Variants in GABRA2 observed in about 807,000 individuals in gnomAD.
GABRA2 encodes the protein gamma-aminobutyric acid receptor subunit alpha-2.
In GABRA2, 16 loss-of-function variants were observed where a neutral mutation model predicts 48.7. That is an observed-to-expected ratio of 0.33 (90% CI 0.22 to 0.50). The LOEUF (loss-of-function observed/expected upper bound fraction) is 0.50, where lower values mean the gene tolerates loss of function less well. Among genes scored for constraint, GABRA2 ranks in the 20% least tolerant of loss-of-function variants. The pLI, the probability that GABRA2 is intolerant of heterozygous loss-of-function variation, is 0.98. For missense variants in GABRA2, 275 were observed against 535.6 expected (o/e 0.51, Z 4.80); for synonymous variants, 185 against 184.5 (o/e 1.00, Z -0.02).
intron 3 of GABRA2, among the ~76,000 whole-genome samples, chr4:46,362,446 C>T (rs928034048): frequency 9.2e-5 from 14 of 152,016 alleles, no homozygotes; most frequent in African/African-American, 3.1e-4. Context: ...TGTGAATTGC[C>T]CAGTCCCAGG....
chr4:46,336,528 G>T (rs1302214624), intron 3 of GABRA2, among the ~76,000 whole-genome samples: 1 of 152,166 alleles, frequency 6.6e-6, no homozygotes, highest in African/African-American at 2.4e-5. Context: ...CAGCTAAATA[G>T]CTGACATGAG....
At chr4:46,356,229 C>T (rs1407435726) in intron 3 of GABRA2, among the ~76,000 whole-genome samples, 1 of 152,080 alleles carries the variant, frequency 6.6e-6, no homozygotes, top group Non-Finnish European at 1.5e-5. Context: ...CTTTCTTTTG[C>T]TCTGCTTTTA....
chr4:46,314,423 CA>C (rs1728196054), intron 4 of GABRA2, among the ~76,000 whole-genome samples: 2 of 152,082 alleles, frequency 1.3e-5, no homozygotes, highest in South Asian at 4.1e-4. Flanking sequence ...TTAAAATTTA[CA>C]AACAGGAAGT....
chr4:46,340,048 T>C (rs1005905731), intron 3 of GABRA2, among the ~76,000 whole-genome samples: 3 of 151,800 alleles, frequency 2.0e-5, no homozygotes, highest in Non-Finnish European at 4.4e-5. Flanking sequence ...TTGGTTTTAT[T>C]CACAGCTTCT....
At chr4:46,348,731 C>G (rs1734596766) in intron 3 of GABRA2, among the ~76,000 whole-genome samples, 1 of 132,156 alleles carries the variant, frequency 7.6e-6, no homozygotes, top group Non-Finnish European at 1.5e-5. Flanking sequence ...ACAATGAGAA[C>G]ACATGGACAC....
At chr4:46,337,280 A>G (rs1304103635) in intron 3 of GABRA2, among the ~76,000 whole-genome samples, 1 of 152,122 alleles carries the variant, frequency 6.6e-6, no homozygotes, top group African/African-American at 2.4e-5. Context: ...AATGGTCCTG[A>G]GCATCCTCTA....
intron 9 of GABRA2, among the ~76,000 whole-genome samples, chr4:46,250,814 T>C (rs1577744627): frequency 6.6e-6 from 1 of 151,710 alleles, no homozygotes; most frequent in East Asian, 2.0e-4. Flanking sequence ...TGGTACCACT[T>C]TCTTGAGGAA....
At chr4:46,345,077 A>C (rs1310875030) in intron 3 of GABRA2, among the ~76,000 whole-genome samples, 1 of 151,850 alleles carries the variant, frequency 6.6e-6, no homozygotes, top group African/African-American at 2.4e-5. Context: ...TTCTCATGAT[A>C]GTGAGTGAGT....
intron 8 of GABRA2, among the ~76,000 whole-genome samples, chr4:46,278,869 T>C (rs1280207046): frequency 6.6e-6 from 1 of 151,670 alleles, no homozygotes; most frequent in Non-Finnish European, 1.5e-5. Flanking sequence ...GGAAATAGAA[T>C]GAAGGGAAGG....
intron 6 of GABRA2, among the ~76,000 whole-genome samples, chr4:46,308,736 C>T (rs1199608368): frequency 6.6e-6 from 1 of 152,168 alleles, no homozygotes; most frequent in Non-Finnish European, 1.5e-5. Flanking sequence ...GATATTTCTG[C>T]ACTCTGTAGA....
chr4:46,292,729 T>C (rs1723912355), intron 8 of GABRA2, among the ~76,000 whole-genome samples: 1 of 152,116 alleles, frequency 6.6e-6, no homozygotes, highest in African/African-American at 2.4e-5. Context: ...GAGGAAGGGA[T>C]CCAAAGGCTT....
chr4:46,334,692 T>C (rs1376030651), intron 3 of GABRA2, among the ~76,000 whole-genome samples: 1 of 152,042 alleles, frequency 6.6e-6, no homozygotes, highest in Admixed American at 6.6e-5. Context: ...AGAACTGACA[T>C]GAAAAATAAG....
intron 4 of GABRA2, among the ~76,000 whole-genome samples, chr4:46,323,599 A>C (rs1169857665): frequency 1.3e-5 from 2 of 151,976 alleles, no homozygotes; most frequent in Non-Finnish European, 2.9e-5. Flanking sequence ...TAACAGGGTG[A>C]GAAGCACTGA....
chr4:46,285,274 A>T (rs946160760), intron 8 of GABRA2, among the ~76,000 whole-genome samples: 1 of 152,110 alleles, frequency 6.6e-6, no homozygotes, highest in Non-Finnish European at 1.5e-5. Flanking sequence ...ATGATTTTTG[A>T]ATCCTTAAAG....
At chr4:46,253,835 G>T (rs73244118) in intron 9 of GABRA2, among the ~76,000 whole-genome samples, 1 of 151,506 alleles carries the variant, frequency 6.6e-6, no homozygotes, top group Non-Finnish European at 1.5e-5. Flanking sequence ...AAGCTTTTCT[G>T]GCTCAGAATT....
At chr4:46,366,751 CTT>C (rs1198083644) in intron 3 of GABRA2, 1 of 152,066 alleles carries the variant, frequency 6.6e-6, no homozygotes, top group East Asian at 1.9e-4. Context: ...TATCTTATAA[CTT>C]TTCATTAACA....
At chr4:46,261,779 G>C in intron 9 of GABRA2, 147 bp downstream of exon 9, 1 of 720,786 alleles carries the variant, frequency 1.4e-6, no homozygotes, top group South Asian at 1.7e-5. Context: ...AAGGATTTCA[G>C]GCAAGAACAC....
intron 3 of GABRA2, among the ~76,000 whole-genome samples, chr4:46,347,591 C>A (rs183681952): frequency 2.6e-5 from 4 of 151,856 alleles, no homozygotes; most frequent in Admixed American, 2.6e-4. Flanking sequence ...CAAGAATCCA[C>A]CCACAATTGA....
intron 3 of GABRA2, among the ~76,000 whole-genome samples, chr4:46,374,014 G>C (rs924470913): frequency 6.6e-6 from 1 of 151,972 alleles, no homozygotes; most frequent in African/African-American, 2.4e-5. Flanking sequence ...AACCTAAGTG[G>C]CATTTTAGCC....
Sources: allele counts gnomAD v4.1 joint callset (sites outside exome capture counted in the v4.1 genomes callset), GRCh38; gene constraint gnomAD v4.1.1; transcripts MANE v1.5; gene names NCBI Gene and HGNC (gene_info 2026-07-23, HGNC 2026-07-21).